Variants in CAMK2D observed in about 807,000 individuals in gnomAD.
CAMK2D encodes the protein calcium/calmodulin-dependent protein kinase type II subunit delta.
Under a neutral mutation model 84.0 loss-of-function variants are expected in CAMK2D, and 37 were observed. That is an observed-to-expected ratio of 0.44 (90% confidence interval 0.34 to 0.58). The LOEUF is 0.58. Ranked by LOEUF, CAMK2D falls within the 20% of genes least tolerant of loss-of-function variation. The pLI is 0.02. For synonymous variants in CAMK2D, 202 were observed against 212.5 expected (o/e 0.95, Z 0.43); for missense variants, 448 against 652.5 (o/e 0.69, Z 3.41).
At chr4:113,732,347 T>C (rs1284542741) in intron 2 of CAMK2D, among the ~76,000 whole-genome samples, 3 of 151,990 alleles carry the variant, frequency 2.0e-5, no homozygotes, top group African/African-American at 7.3e-5. Flanking sequence ...GGTCTTGAAC[T>C]CCTGGCCCCA....
At chr4:113,483,409 C>CTTT (rs763520561) in intron 16 of CAMK2D, among the ~76,000 whole-genome samples, 3 of 145,216 alleles carry the variant, frequency 2.1e-5, no homozygotes, top group African/African-American at 2.5e-5. Flanking sequence ...CCTTATGCTT[C>CTTT]TTTTTTTTTT....
chr4:113,527,731 T>C (rs954588606), intron 8 of CAMK2D, among the ~76,000 whole-genome samples: 2 of 152,116 alleles, frequency 1.3e-5, no homozygotes, highest in Admixed American at 6.6e-5. Context: ...TAAAAAAAGG[T>C]TTTAAATTTT....
At chr4:113,613,298 G>T (rs1162703086) in intron 3 of CAMK2D, among the ~76,000 whole-genome samples, 4 of 152,140 alleles carry the variant, frequency 2.6e-5, no homozygotes, top group African/African-American at 9.7e-5. Flanking sequence ...GGACCAAAAT[G>T]TAGAGTTGGA....
chr4:113,516,770 G>A, intron 9 of CAMK2D, among the ~76,000 whole-genome samples: 1 of 152,074 alleles, frequency 6.6e-6, no homozygotes, highest in South Asian at 2.1e-4. Context: ...CTACTCTGTA[G>A]TTACTCTACT....
rs7699321 is a variant in CAMK2D at position 113,667,437 on chromosome 4, A to G, written c.161-5665T>C. ...CCTAGAGATCCTCTCTTAAAGAAAG[A>G]TGCACTTTTTAGTGCATGGATTCCG... On this transcript the variant is annotated intron_variant, in intron 2 of 20. Transcript: ENST00000511664. Among the ~76,000 whole-genome samples, 1,198 of 152,330 alleles carry G rather than the reference A, an allele frequency of 7.9e-3. 10 individuals carry two copies. The highest frequency in any genetic ancestry group is 0.028 in the African/African-American group (1,148 of 41,570).
At chr4:113,569,389 A>T (rs1335425879) in intron 4 of CAMK2D, among the ~76,000 whole-genome samples, 1 of 152,118 alleles carries the variant, frequency 6.6e-6, no homozygotes, top group African/African-American at 2.4e-5. Flanking sequence ...TAGGTCTTTG[A>T]TCCATTTTAA....
At chr4:113,746,977 A>AATATATAT (rs148764047) in intron 2 of CAMK2D, among the ~76,000 whole-genome samples, 18 of 145,638 alleles carry the variant, frequency 1.2e-4, no homozygotes, top group African/African-American at 3.0e-4. Context: ...TACCATTAAT[A>AATATATAT]ATATATATAT....
At chr4:113,622,622 G>A (rs933054568) in intron 3 of CAMK2D, among the ~76,000 whole-genome samples, 1 of 152,160 alleles carries the variant, frequency 6.6e-6, no homozygotes, top group Non-Finnish European at 1.5e-5. Context: ...TTAAAAGCTG[G>A]ACGTGGTGTT....
intron 14 of CAMK2D, among the ~76,000 whole-genome samples, chr4:113,503,580 T>C (rs1262421535): frequency 6.6e-6 from 1 of 152,184 alleles, no homozygotes; most frequent in African/African-American, 2.4e-5. Flanking sequence ...AATCATGAAC[T>C]AGAACTAATC....
intron 2 of CAMK2D, among the ~76,000 whole-genome samples, chr4:113,671,513 C>A (rs1405098931): frequency 6.6e-6 from 1 of 152,206 alleles, no homozygotes; most frequent in Non-Finnish European, 1.5e-5. Context: ...TTTCTTTCCA[C>A]TCTCCTTTTT....
intron 9 of CAMK2D, among the ~76,000 whole-genome samples, chr4:113,516,924 C>T (rs891671393): frequency 3.3e-5 from 5 of 151,658 alleles, no homozygotes; most frequent in Admixed American, 1.3e-4. Context: ...CAAAGTTAAG[C>T]CATAAAGAGA....
rs1227228181 is a variant in CAMK2D at position 113,638,007 on chromosome 4, C to T, written c.220+23706G>A. 4.6e-5 allele frequency among the ~76,000 whole-genome samples: 7 copies of T among 152,258 alleles called. No individual in the cohort carries two copies. In the East Asian group the frequency reaches 1.2e-3, roughly 25 times the overall value. On this transcript the variant is annotated intron_variant, in intron 3 of 20. Transcript: ENST00000511664. ...ATATAGCTCTCCATCCTCCTTCTCCCAAATATGGTATTACACATCCACTCA... is the reference window on the plus strand; with the variant it reads ...ATATAGCTCTCCATCCTCCTTCTCCTAAATATGGTATTACACATCCACTCA...
At chr4:113,457,080 G>A (rs2097311835) in intron 19 of CAMK2D, 8 of 771,546 alleles carry the variant, frequency 1.0e-5, no homozygotes, top group Non-Finnish European at 1.4e-5. Context: ...AACCCTGTGA[G>A]ATTTTGATCA....
intron 2 of CAMK2D, among the ~76,000 whole-genome samples, chr4:113,716,430 A>G (rs1484140703): frequency 6.6e-6 from 1 of 152,094 alleles, no homozygotes; most frequent in Non-Finnish European, 1.5e-5. Context: ...CGAGTGGGTC[A>G]CTTCAGGTCA....
intron 16 of CAMK2D, among the ~76,000 whole-genome samples, chr4:113,477,494 C>T (rs2097644719): frequency 6.6e-6 from 1 of 150,734 alleles, no homozygotes; most frequent in South Asian, 2.1e-4. Flanking sequence ...GCCTGTAATC[C>T]CAGCACTTTG....
intron 4 of CAMK2D, among the ~76,000 whole-genome samples, chr4:113,589,224 C>T (rs1279415065): frequency 6.6e-6 from 1 of 151,952 alleles, no homozygotes; most frequent in Non-Finnish European, 1.5e-5. Flanking sequence ...TCTCTGGCTA[C>T]TGTGTTGAGA....
At chr4:113,473,851 T>G (rs2097574161) in intron 16 of CAMK2D, among the ~76,000 whole-genome samples, 1 of 152,198 alleles carries the variant, frequency 6.6e-6, no homozygotes, top group African/African-American at 2.4e-5. Flanking sequence ...GTTTATGTTT[T>G]TTTTAGTTTG....
At chr4:113,716,510 A>T (rs2099513835) in intron 2 of CAMK2D, among the ~76,000 whole-genome samples, 1 of 151,778 alleles carries the variant, frequency 6.6e-6, no homozygotes, top group Admixed American at 6.6e-5. Flanking sequence ...AATTAGCCAC[A>T]TGTGGTGGTG....
At chr4:113,529,006 C>T (rs1420132266) in intron 8 of CAMK2D, among the ~76,000 whole-genome samples, 3 of 152,010 alleles carry the variant, frequency 2.0e-5, no homozygotes, top group African/African-American at 7.2e-5. Context: ...AAGACCTTAC[C>T]CATTAATTAA....
Sources: allele counts gnomAD v4.1 joint callset (sites outside exome capture counted in the v4.1 genomes callset), GRCh38; gene constraint gnomAD v4.1.1; transcripts MANE v1.5; gene names NCBI Gene and HGNC (gene_info 2026-07-23, HGNC 2026-07-21).